Variants in ATF7IP2 observed in about 807,000 individuals in gnomAD.
ATF7IP2 encodes the protein activating transcription factor 7-interacting protein 2.
ATF7IP2 carries 42 observed loss-of-function variants against 64.2 expected under a neutral mutation model. The ratio of observed to expected loss-of-function variants is 0.65; its 90% CI spans 0.51 to 0.85. The LOEUF is 0.85. Among genes scored for constraint, ATF7IP2 ranks in the 40% least tolerant of loss-of-function variants. The pLI, the probability that ATF7IP2 is intolerant of heterozygous loss-of-function variation, is 0.00. For synonymous variants in ATF7IP2, 308 were observed against 272.8 expected (o/e 1.13, Z -1.27); for missense variants, 933 against 784.2 (o/e 1.19, Z -2.27).
At chr16:10,398,866 C>T (rs2047472343) in intron 1 of ATF7IP2, among the ~76,000 whole-genome samples, 1 of 152,126 alleles carries the variant, frequency 6.6e-6, no homozygotes, top group South Asian at 2.1e-4. Context: ...GTAATCCCAC[C>T]ACTTTGGGAG....
At chr16:10,469,905 A>G in intron 9 of ATF7IP2, among the ~76,000 whole-genome samples, 1 of 151,988 alleles carries the variant, frequency 6.6e-6, no homozygotes. Flanking sequence ...AAAAAAAAAA[A>G]AGTCCATTCA....
At chr16:10,469,791 AC>A (rs2049721835) in intron 9 of ATF7IP2, among the ~76,000 whole-genome samples, 1 of 152,096 alleles carries the variant, frequency 6.6e-6, no homozygotes, top group Non-Finnish European at 1.5e-5. Context: ...CAAAAAAGGA[AC>A]AAAAAGTAAG....
chr16:10,431,101 G>T lies in ATF7IP2; in HGVS notation c.481G>T (p.Ala161Ser). The change falls in exon 5 of 14, where the codon GCT becomes TCT. Residue 161 changes from alanine (A) to serine (S), a missense_variant. Ala to Ser is a moderately conservative substitution (Grantham distance 99, BLOSUM62 1). Transcript: ENST00000562102. ...VTRSLFEHEG[A>S]CSLKSSCCPP... ...AAGATCCCTTTTTGAGCATGAGGGGGCTTGTAGTCTAAAGTCCAGTTGCTG... is the reference window on the plus strand; with the variant it reads ...AAGATCCCTTTTTGAGCATGAGGGGTCTTGTAGTCTAAAGTCCAGTTGCTG... 2 of 1,614,106 alleles carry T rather than the reference G, an allele frequency of 1.2e-6. No individual in the cohort carries two copies. The highest frequency in any genetic ancestry group is 1.1e-5 in the South Asian group (1 of 91,078).
chr16:10,457,232 T>TC (rs2049200372), intron 8 of ATF7IP2, 140 bp from the exon 9 acceptor site: 1 of 672,592 alleles, frequency 1.5e-6, no homozygotes, highest in Admixed American at 3.6e-5. Context: ...ACAATCATGG[T>TC]CATCAGCCAT....
chr16:10,426,498 G>C (rs1006430055), intron 3 of ATF7IP2, among the ~76,000 whole-genome samples: 1 of 152,298 alleles, frequency 6.6e-6, no homozygotes, highest in African/African-American at 2.4e-5. Flanking sequence ...GTTATGAAGT[G>C]TGTAATGTTA....
At chr16:10,478,685 A>G (rs1323897427) in intron 12 of ATF7IP2, among the ~76,000 whole-genome samples, 1 of 152,266 alleles carries the variant, frequency 6.6e-6, no homozygotes, top group African/African-American at 2.4e-5. Flanking sequence ...GCTCCTGCAC[A>G]GCAAAAGAAA....
intron 1 of ATF7IP2, among the ~76,000 whole-genome samples, chr16:10,397,481 A>C (rs559576718): frequency 5.3e-5 from 8 of 152,364 alleles, no homozygotes; most frequent in South Asian, 2.1e-4. Context: ...CTCAAATAAC[A>C]AGAAAATAAG....
At chr16:10,419,695 T>C in intron 3 of ATF7IP2, 72 bp downstream of exon 3, 1 of 152,754 alleles carries the variant, frequency 6.5e-6, no homozygotes, top group Non-Finnish European at 1.5e-5. Context: ...TCAACATGGC[T>C]GCAACTGGTG....
intron 9 of ATF7IP2, among the ~76,000 whole-genome samples, chr16:10,462,500 T>C (rs980377005): frequency 1.3e-5 from 2 of 152,178 alleles, no homozygotes; most frequent in South Asian, 2.1e-4. Context: ...GTTATTTTTC[T>C]TTCAGCACTT....
intron 1 of ATF7IP2, among the ~76,000 whole-genome samples, chr16:10,397,062 C>G (rs550532417): frequency 6.6e-6 from 1 of 152,192 alleles, no homozygotes; most frequent in Non-Finnish European, 1.5e-5. Context: ...TCTGTTTACC[C>G]AGCACCATTT....
chr16:10,419,514 T>A (rs1446156687), intron 2 of ATF7IP2, 67 bp from the exon 3 acceptor site: 1 of 153,156 alleles, frequency 6.5e-6, no homozygotes, highest in Non-Finnish European at 1.5e-5. Context: ...CTCATGGCAA[T>A]GGTGATCACT....
intron 4 of ATF7IP2, among the ~76,000 whole-genome samples, chr16:10,429,716 TTTTATTTTATTTTA>T (rs1419269219): frequency 3.0e-4 from 43 of 143,164 alleles, no homozygotes; most frequent in African/African-American, 6.9e-4. Context: ...TTTTATTTTA[TTTTATTTTATTTTA>T]TTTATTTTAT....
intron 12 of ATF7IP2, among the ~76,000 whole-genome samples, chr16:10,478,264 C>A (rs1235596596): frequency 1.6e-4 from 24 of 150,292 alleles, no homozygotes; most frequent in Non-Finnish European, 3.0e-4. Flanking sequence ...TACTACAAGG[C>A]TACAGTAACC....
chr16:10,433,419 C>G, intron 5 of ATF7IP2, 106 bp from the exon 6 acceptor site: 1 of 1,034,698 alleles, frequency 9.7e-7, no homozygotes, highest in Non-Finnish European at 1.4e-6. Context: ...AAGCCACCCT[C>G]CCTCCTTAGC....
At chr16:10,470,049 G>C (rs551266270) in intron 9 of ATF7IP2, among the ~76,000 whole-genome samples, 1 of 152,130 alleles carries the variant, frequency 6.6e-6, no homozygotes, top group African/African-American at 2.4e-5. Flanking sequence ...TCAGGCAAAA[G>C]GAAAATAGTA....
In ATF7IP2 at chr16:10,480,276, C is replaced by T. The variant is rs543101746; in HGVS notation, c.1550-603C>T. On this transcript the variant is annotated intron_variant, in intron 12 of 13. Coordinates refer to ENST00000562102, the MANE Select transcript of ATF7IP2 (RefSeq NM_001393719.1). Reference sequence around the variant, plus strand: ...ACAGATGTGAGCCACTATGCACAGCCTCCCCAGTTGTTTTCAATCCATTCT... The same window carrying T: ...ACAGATGTGAGCCACTATGCACAGCTTCCCCAGTTGTTTTCAATCCATTCT... 2.0e-3 allele frequency among the ~76,000 whole-genome samples: 301 copies of T among 152,122 alleles called. 2 individuals are homozygous for T. Among genetic ancestry groups the T allele is most frequent in the African/African-American group, 7.0e-3 (292 of 41,498 alleles).
intron 1 of ATF7IP2, chr16:10,386,919 C>A (rs1250270734): frequency 2.0e-5 from 3 of 152,082 alleles, no homozygotes; most frequent in Non-Finnish European, 4.4e-5. Flanking sequence ...TCTACCTTTC[C>A]GTGTTTCTGT....
At chr16:10,422,574 C>G (rs537161672) in intron 3 of ATF7IP2, among the ~76,000 whole-genome samples, 1 of 152,276 alleles carries the variant, frequency 6.6e-6, no homozygotes, top group African/African-American at 2.4e-5. Context: ...AGGGGCTTTA[C>G]GAACTTCAGC....
chr16:10,429,672 G>C (rs1567449096), intron 4 of ATF7IP2, among the ~76,000 whole-genome samples: 1 of 143,344 alleles, frequency 7.0e-6, no homozygotes, highest in African/African-American at 2.5e-5. Context: ...ATTTAAGCTG[G>C]AATGTTATGT....
Sources: gnomAD v4.1 joint callset for allele counts (sites outside exome capture counted in the v4.1 genomes callset) on GRCh38, gnomAD v4.1.1 for gene constraint, MANE v1.5 for transcripts, NCBI Gene and HGNC (gene_info 2026-07-23, HGNC 2026-07-21) for gene names.